The following PGM5 variants were observed in gnomAD, a reference collection of about 807,000 sequenced individuals.
The protein encoded by PGM5 is phosphoglucomutase-like protein 5.
PGM5 carries 23 observed loss-of-function variants against 59.2 expected under a neutral mutation model. The observed-to-expected ratio is 0.39, with a 90% confidence interval of 0.28 to 0.55. The LOEUF is 0.55. PGM5 is among the 20% of genes least tolerant of loss of function. The pLI, the probability that PGM5 is intolerant of heterozygous loss-of-function variation, is 0.66. For synonymous variants in PGM5, 214 were observed against 286.0 expected (o/e 0.75, Z 2.54); for missense variants, 574 against 748.3 (o/e 0.77, Z 2.72).
chr9:68,362,397 T>C (rs1173222061), intron 1 of PGM5, among the ~76,000 whole-genome samples: 1 of 152,252 alleles, frequency 6.6e-6, no homozygotes, highest in African/African-American at 2.4e-5. Flanking sequence ...AATGAGAAGA[T>C]AGGTTTTATC....
chr9:68,445,464 C>T (rs1382664873), intron 6 of PGM5, among the ~76,000 whole-genome samples: 1 of 152,158 alleles, frequency 6.6e-6, no homozygotes, highest in East Asian at 1.9e-4. Context: ...CCTTTGAAAG[C>T]TCCCTCCTAG....
intron 6 of PGM5, among the ~76,000 whole-genome samples, chr9:68,419,343 A>G (rs1174347741): frequency 1.3e-5 from 2 of 152,194 alleles, no homozygotes; most frequent in Non-Finnish European, 2.9e-5. Flanking sequence ...TTTTATGGGC[A>G]AAACAGCAAA....
chr9:68,362,082 T>C (rs570961791), intron 1 of PGM5, among the ~76,000 whole-genome samples: 1 of 148,114 alleles, frequency 6.8e-6, no homozygotes, highest in East Asian at 1.9e-4. Flanking sequence ...TCATTAGGGG[T>C]TTCAAAATGG....
intron 6 of PGM5, among the ~76,000 whole-genome samples, chr9:68,421,201 G>T (rs1036097257): frequency 6.6e-6 from 1 of 152,068 alleles, no homozygotes; most frequent in Non-Finnish European, 1.5e-5. Context: ...TCCCCTAATC[G>T]GCCCTGTATC....
chr9:68,445,659 T>A (rs1000841744), intron 6 of PGM5, among the ~76,000 whole-genome samples: 3 of 152,186 alleles, frequency 2.0e-5, no homozygotes, highest in Non-Finnish European at 4.4e-5. Flanking sequence ...TGTGAGTACC[T>A]TGTGAGTTTT....
intron 6 of PGM5, among the ~76,000 whole-genome samples, chr9:68,404,320 G>T (rs879960171): frequency 2.3e-4 from 35 of 152,066 alleles, no homozygotes; most frequent in Non-Finnish European, 4.7e-4. Flanking sequence ...CTAGAGACAG[G>T]GTTTTGCCAT....
At chr9:68,482,352 A>C (rs2132091762) in intron 8 of PGM5, among the ~76,000 whole-genome samples, 1 of 152,204 alleles carries the variant, frequency 6.6e-6, no homozygotes, top group East Asian at 1.9e-4. Flanking sequence ...GCAGTCTCAG[A>C]ATATATGCCC....
chr9:68,463,917 T>C (rs1004590399), intron 6 of PGM5, among the ~76,000 whole-genome samples: 1 of 152,132 alleles, frequency 6.6e-6, no homozygotes, highest in Non-Finnish European at 1.5e-5. Context: ...CCATAAGTCA[T>C]AGGAGCTCCT....
At chr9:68,435,922 G>T (rs937633523) in intron 6 of PGM5, among the ~76,000 whole-genome samples, 1 of 152,150 alleles carries the variant, frequency 6.6e-6, no homozygotes, top group Admixed American at 6.5e-5. Flanking sequence ...TTACAAAGTA[G>T]GTGATTTGTT....
chr9:68,480,603 G>A (rs1279742806), intron 8 of PGM5, among the ~76,000 whole-genome samples: 5 of 152,050 alleles, frequency 3.3e-5, no homozygotes, highest in African/African-American at 1.2e-4. Flanking sequence ...GGAGGCTGAG[G>A]CAGGAGAATC....
chr9:68,367,813 T>TA (rs1554676816), intron 1 of PGM5, among the ~76,000 whole-genome samples: 1 of 151,184 alleles, frequency 6.6e-6, no homozygotes, highest in African/African-American at 2.4e-5. Flanking sequence ...GGAATTTATC[T>TA]AAAAAGGCAT....
intron 6 of PGM5, among the ~76,000 whole-genome samples, chr9:68,463,132 G>T (rs1279879795): frequency 6.6e-6 from 1 of 151,468 alleles, no homozygotes; most frequent in Non-Finnish European, 1.5e-5. Flanking sequence ...TTGTATTTGG[G>T]GTTTGTGAAA....
rs2257924 is a variant in PGM5 at position 68,407,347 on chromosome 9, C to T, written c.1043+14874C>T. 4.6e-5 allele frequency among the ~76,000 whole-genome samples: 7 copies of T among 152,242 alleles called. No homozygotes were observed. In the South Asian group the frequency reaches 1.5e-3, roughly 32 times the overall value. ...AAGGTCTCACTACGCTGCCTAGGCT[C>T]GTCTCAAACTCCTGGACTCAAGCAA... On this transcript the variant is annotated intron_variant, in intron 6 of 10. Coordinates refer to ENST00000396396, the MANE Select transcript of PGM5 (RefSeq NM_021965.4).
chr9:68,474,227 T>C (rs568969093), intron 7 of PGM5, among the ~76,000 whole-genome samples: 2 of 152,254 alleles, frequency 1.3e-5, no homozygotes, highest in South Asian at 4.2e-4. Flanking sequence ...GGGTTGAAAA[T>C]TGCCAACATA....
intron 6 of PGM5, among the ~76,000 whole-genome samples, chr9:68,419,623 A>C (rs1554682224): frequency 1.3e-5 from 2 of 152,240 alleles, no homozygotes; most frequent in African/African-American, 4.8e-5. Context: ...TCAGAGACTT[A>C]GCTTTGCTTA....
At chr9:68,522,323 T>C (rs1185389955) in intron 10 of PGM5, among the ~76,000 whole-genome samples, 1 of 151,952 alleles carries the variant, frequency 6.6e-6, no homozygotes, top group East Asian at 1.9e-4. Context: ...GGGCAGTGTG[T>C]TAAGGAAACA....
chr9:68,375,975 C>T (rs553670456), intron 1 of PGM5, among the ~76,000 whole-genome samples: 4 of 152,320 alleles, frequency 2.6e-5, no homozygotes, highest in East Asian at 1.9e-4. Flanking sequence ...TGTTCTGTTC[C>T]GTTGTGGCTG....
At chr9:68,361,182 A>G (rs1479005855) in intron 1 of PGM5, among the ~76,000 whole-genome samples, 2 of 152,136 alleles carry the variant, frequency 1.3e-5, no homozygotes, top group Admixed American at 1.3e-4. Context: ...TCTCCCTGAA[A>G]TATCTTTTGT....
chr9:68,436,325 G>A (rs1823440995), intron 6 of PGM5, among the ~76,000 whole-genome samples: 1 of 152,210 alleles, frequency 6.6e-6, no homozygotes, highest in African/African-American at 2.4e-5. Context: ...TATATAAGAA[G>A]TAGGTAAGAC....
Sources: gnomAD v4.1 joint callset for allele counts (sites outside exome capture counted in the v4.1 genomes callset) on GRCh38, gnomAD v4.1.1 for gene constraint, MANE v1.5 for transcripts, NCBI Gene and HGNC (gene_info 2026-07-23, HGNC 2026-07-21) for gene names.